The following CSNK1G1 variants were observed in gnomAD, a reference collection of about 807,000 sequenced individuals.
CSNK1G1 encodes casein kinase 1 gamma 1.
In CSNK1G1, 22 loss-of-function variants were observed where a neutral mutation model predicts 59.6. The observed-to-expected ratio is 0.37, with a 90% CI of 0.26 to 0.53. The LOEUF (loss-of-function observed/expected upper bound fraction) is 0.53, where lower values mean the gene tolerates loss of function less well. Ranked by LOEUF, CSNK1G1 falls within the 20% of genes least tolerant of loss-of-function variation. CSNK1G1 has a pLI of 0.89. For synonymous variants in CSNK1G1, 179 were observed against 177.1 expected, an observed-to-expected ratio of 1.01 and a Z score of -0.08; for missense variants, 384 against 519.5, an observed-to-expected ratio of 0.74 and a Z score of 2.54.
At chr15:64,312,013 A>C (rs1331805123) in intron 1 of CSNK1G1, among the ~76,000 whole-genome samples, 1 of 152,214 alleles carries the variant, frequency 6.6e-6, no homozygotes, top group African/African-American at 2.4e-5. Context: ...TACAACTGCT[A>C]CTAAGAGAAT....
chr15:64,251,349 A>G (rs755336136), intron 4 of CSNK1G1, 163 bp downstream of exon 4: 3 of 545,692 alleles, frequency 5.5e-6, no homozygotes, highest in Non-Finnish European at 9.8e-6. Flanking sequence ...CAGGAACCAG[A>G]GCGCAAGTAG....
chr15:64,296,003 A>T (rs1895000760), intron 2 of CSNK1G1, among the ~76,000 whole-genome samples: 1 of 152,208 alleles, frequency 6.6e-6, no homozygotes, highest in Non-Finnish European at 1.5e-5. Context: ...GTGATTGTGT[A>T]TCCTGCACAA....
At position 64,171,783 on chromosome 15, in the gene CSNK1G1, G is replaced by A. The variant is rs1478806536; in HGVS notation, c.*148C>T. The A allele has an allele frequency of 4.1e-6, 3 of 727,096 alleles. No individual in the cohort carries two copies. The highest frequency in any genetic ancestry group is 2.1e-5 in the Admixed American group (1 of 47,316). 45.0% of individuals were successfully genotyped at this position (727,096 alleles called of 1,614,324 possible). On this transcript the variant is annotated 3_prime_UTR_variant, in exon 12 of 12. Coordinates refer to ENST00000303052, the MANE Select transcript of CSNK1G1 (RefSeq NM_022048.5). This position sits in a 1 kb window ranked among gnomAD's most constrained non-coding sequence, Gnocchi z 4.8. ...CACTAGGCCCTGGCTGCCCGCACTG[G>A]CCCCTTCTGGGGGCATCTGTTTTCT...
intron 4 of CSNK1G1, among the ~76,000 whole-genome samples, chr15:64,226,422 G>T (rs951555838): frequency 6.6e-6 from 1 of 152,126 alleles, no homozygotes; most frequent in Non-Finnish European, 1.5e-5. Context: ...GCTGGGCGTG[G>T]TGGTGCACGC....
intron 3 of CSNK1G1, among the ~76,000 whole-genome samples, chr15:64,252,990 T>C (rs958818753): frequency 2.0e-5 from 3 of 152,158 alleles, no homozygotes; most frequent in Admixed American, 1.3e-4. Flanking sequence ...GGAGGATCAC[T>C]GGAGACCAGG....
intron 10 of CSNK1G1, chr15:64,181,361 T>C (rs557872357): frequency 1.3e-6 from 2 of 1,536,092 alleles, no homozygotes; most frequent in Admixed American, 2.0e-5. Flanking sequence ...TTCCTGTTTA[T>C]GTGGGTGCTG....
chr15:64,180,162 G>T, intron 11 of CSNK1G1, 186 bp downstream of exon 11: 2 of 560,086 alleles, frequency 3.6e-6, no homozygotes, highest in South Asian at 2.3e-5. Flanking sequence ...TGTCTTCCCC[G>T]AAATCACAGC....
chr15:64,243,856 T>G (rs1284649459), intron 4 of CSNK1G1, among the ~76,000 whole-genome samples: 1 of 120,086 alleles, frequency 8.3e-6, no homozygotes, highest in Admixed American at 8.4e-5. Context: ...GGTGACTGAG[T>G]GAGAACCTGT....
At position 64,171,242 on chromosome 15, in the gene CSNK1G1, A is replaced by T. The variant is rs1223178859; in HGVS notation, c.*689T>A. The T allele has an allele frequency of 6.6e-6, 1 of 152,626 alleles. No individual in the cohort carries two copies. Among genetic ancestry groups the T allele is most frequent in the African/African-American group, 2.4e-5 (1 of 41,434 alleles). The allele number at this position is 152,626 out of a possible 1,614,324, so 9.5% of individuals were successfully genotyped here. A position where few individuals can be genotyped will look rare whatever the true frequency, so the allele number is the denominator to read the frequency against. The stretch of plus-strand genomic sequence containing the variant: ...CAATTTTCATTGTCCTACTACCTGG[A>T]GAAAAGAGTTTGTCAAAAAAGCTAA... On this transcript the variant is annotated 3_prime_UTR_variant, in exon 12 of 12. Coordinates refer to ENST00000303052, the MANE Select transcript of CSNK1G1 (RefSeq NM_022048.5). The surrounding 1 kb of genome is among the most constrained non-coding windows in gnomAD (Gnocchi z 4.8).
intron 2 of CSNK1G1, among the ~76,000 whole-genome samples, chr15:64,290,552 T>A (rs1189707608): frequency 6.6e-6 from 1 of 152,012 alleles, no homozygotes; most frequent in Non-Finnish European, 1.5e-5. Context: ...ACACAGAGTG[T>A]GGAATAATAG....
At chr15:64,318,568 A>ACAGG (rs897987263) in intron 1 of CSNK1G1, among the ~76,000 whole-genome samples, 8 of 151,114 alleles carry the variant, frequency 5.3e-5, no homozygotes, top group African/African-American at 1.9e-4. Flanking sequence ...TTTTTTAAAG[A>ACAGG]CAGGCTCTCA....
intron 4 of CSNK1G1, among the ~76,000 whole-genome samples, chr15:64,238,518 A>AAAAATATATATATATATAT (rs1555396879): frequency 2.0e-5 from 1 of 49,244 alleles, no homozygotes; most frequent in African/African-American, 1.2e-4. Context: ...AAAAAAAAAA[A>AAAAATATATATATATATAT]ATATATATAT....
intron 1 of CSNK1G1, among the ~76,000 whole-genome samples, chr15:64,304,408 A>G (rs2140410199): frequency 1.3e-5 from 2 of 150,824 alleles, no homozygotes; most frequent in South Asian, 4.2e-4. Flanking sequence ...AAAAAAAAGG[A>G]AAGAAAACGA....
intron 1 of CSNK1G1, among the ~76,000 whole-genome samples, chr15:64,307,890 G>A (rs1206434843): frequency 2.0e-5 from 3 of 152,062 alleles, no homozygotes; most frequent in Non-Finnish European, 4.4e-5. Context: ...GTTTCACCAT[G>A]TTAGCCAGGA....
At chr15:64,322,409 C>T (rs146146612) in intron 1 of CSNK1G1, among the ~76,000 whole-genome samples, 1,885 of 152,142 alleles carry the variant, frequency 0.012, 28 homozygotes, top group African/African-American at 0.044. Context: ...TACTACATTG[C>T]CCAGGCTGGT....
chr15:64,186,085 T>C (rs745548678), intron 10 of CSNK1G1, among the ~76,000 whole-genome samples: 1 of 152,106 alleles, frequency 6.6e-6, no homozygotes, highest in Non-Finnish European at 1.5e-5. Context: ...GGATCTCTGG[T>C]TTCCTGGATC....
intron 2 of CSNK1G1, among the ~76,000 whole-genome samples, chr15:64,269,161 G>C (rs1170865047): frequency 6.6e-6 from 1 of 152,036 alleles, no homozygotes; most frequent in Non-Finnish European, 1.5e-5. Context: ...CAAGTGTTTT[G>C]GGCCTTTATC....
rs1197307039 is a variant in CSNK1G1, at chr15:64,167,417, G to T, written c.*4514C>A. 5 of 152,646 alleles carry T rather than the reference G, an allele frequency of 3.3e-5. No individual in the cohort carries two copies. Among genetic ancestry groups the T allele is most frequent in the Non-Finnish European group, 7.3e-5 (5 of 68,052 alleles). The allele number at this position is 152,646 out of a possible 1,614,324, so 9.5% of individuals were successfully genotyped here. ...CAACCCCTCATGGGAAAGACTAGGAGTCTCTGCCATCGACCTCTAGACAGG... is the reference window on the plus strand; with the variant it reads ...CAACCCCTCATGGGAAAGACTAGGATTCTCTGCCATCGACCTCTAGACAGG... On this transcript the variant is annotated 3_prime_UTR_variant, in exon 12 of 12. Coordinates refer to ENST00000303052, the MANE Select transcript of CSNK1G1 (RefSeq NM_022048.5).
chr15:64,320,699 A>G (rs1896517897), intron 1 of CSNK1G1, among the ~76,000 whole-genome samples: 1 of 151,570 alleles, frequency 6.6e-6, no homozygotes, highest in African/African-American at 2.4e-5. Context: ...AAAAAAAAGA[A>G]AAAAGAAAAA....
Sources: gnomAD v4.1 joint callset for allele counts (sites outside exome capture counted in the v4.1 genomes callset) on GRCh38, gnomAD v4.1.1 for gene constraint, Gnocchi (gnomAD v3.1) non-coding constraint, MANE v1.5 for transcripts, NCBI Gene and HGNC (gene_info 2026-07-23, HGNC 2026-07-21) for gene names.